Variants in BMP2K observed in about 807,000 individuals in gnomAD.
The protein encoded by BMP2K is BMP-2-inducible protein kinase.
BMP2K carries 74 observed loss-of-function variants against 116.0 expected under a neutral mutation model. The observed-to-expected ratio is 0.64, with a 90% CI of 0.53 to 0.77. BMP2K has a LOEUF of 0.77. Among genes scored for constraint, BMP2K ranks in the 30% least tolerant of loss-of-function variants. The pLI, the probability that BMP2K is intolerant of heterozygous loss-of-function variation, is 0.00. For synonymous variants in BMP2K, 486 were observed against 502.5 expected, an observed-to-expected ratio of 0.97 and a Z score of 0.44; for missense variants, 1,365 against 1,403.6, an observed-to-expected ratio of 0.97 and a Z score of 0.44.
chr4:78,854,883 T>G (rs1731427491), intron 7 of BMP2K, among the ~76,000 whole-genome samples: 1 of 152,062 alleles, frequency 6.6e-6, no homozygotes, highest in African/African-American at 2.4e-5. Context: ...CCAATCTTGT[T>G]TCCTCTATAA....
At chr4:78,845,123 A>G in intron 5 of BMP2K, 74 bp downstream of exon 5, 2 of 1,263,106 alleles carry the variant, frequency 1.6e-6, no homozygotes, top group Non-Finnish European at 2.2e-6. Flanking sequence ...AGCACTGCTA[A>G]TACAAATTTT....
chr4:78,882,153 A>G (rs775726944), intron 14 of BMP2K, among the ~76,000 whole-genome samples: 8 of 151,960 alleles, frequency 5.3e-5, no homozygotes, highest in African/African-American at 9.6e-5. Context: ...TGTTTAGGGA[A>G]TATTTTATGT....
intron 3 of BMP2K, among the ~76,000 whole-genome samples, chr4:78,839,188 G>T (rs144782625): frequency 6.6e-6 from 1 of 152,156 alleles, no homozygotes; most frequent in African/African-American, 2.4e-5. Context: ...GCAGATTTTG[G>T]CAGGGCTTTC....
rs115241558 is a variant in BMP2K, at chr4:78,897,216, T to C, written c.2062+9932T>C. Among the ~76,000 whole-genome samples, 1,229 of 152,160 alleles carry C rather than the reference T, an allele frequency of 8.1e-3. 26 individuals carry two copies. Among genetic ancestry groups the C allele is most frequent in the African/African-American group, 0.028 (1,180 of 41,520 alleles). On this transcript the variant is annotated intron_variant, in intron 15 of 15. Transcript: ENST00000502613. Reference sequence around the variant, plus strand: ...TTTTGATTTTTTTAAGCCTTATTTCTGGGAACTTACCTTAAGAAAATAACA... The same window carrying C: ...TTTTGATTTTTTTAAGCCTTATTTCCGGGAACTTACCTTAAGAAAATAACA...
At chr4:78,832,003 T>C (rs1015092360) in intron 2 of BMP2K, among the ~76,000 whole-genome samples, 6 of 152,288 alleles carry the variant, frequency 3.9e-5, no homozygotes, top group African/African-American at 1.2e-4. Flanking sequence ...TTCACATAAT[T>C]ATAGCATCTT....
intron 3 of BMP2K, among the ~76,000 whole-genome samples, chr4:78,838,277 C>T (rs940470482): frequency 1.3e-5 from 2 of 152,188 alleles, no homozygotes; most frequent in African/African-American, 2.4e-5. Flanking sequence ...CCGATGGGTC[C>T]GTCTCACAAC....
chr4:78,849,822 T>C (rs918040878), intron 6 of BMP2K, among the ~76,000 whole-genome samples: 1 of 151,736 alleles, frequency 6.6e-6, no homozygotes, highest in Non-Finnish European at 1.5e-5. Flanking sequence ...GGACCATTGC[T>C]GCAATATTGA....
chr4:78,847,346 TC>T, intron 6 of BMP2K, 77 bp downstream of exon 6: 1 of 1,050,154 alleles, frequency 9.5e-7, no homozygotes, highest in South Asian at 2.0e-5. Context: ...TTTACTCTGC[TC>T]CCCAAAAGGC....
At chr4:78,813,637 T>G (rs1216945448) in intron 1 of BMP2K, among the ~76,000 whole-genome samples, 1 of 152,210 alleles carries the variant, frequency 6.6e-6, no homozygotes, top group Non-Finnish European at 1.5e-5. Flanking sequence ...TTACCTGGAA[T>G]GTACTTGCCT....
chr4:78,790,508 T>G (rs1429585770), intron 1 of BMP2K, among the ~76,000 whole-genome samples: 1 of 152,166 alleles, frequency 6.6e-6, no homozygotes, highest in Non-Finnish European at 1.5e-5. Context: ...TTTATATTGT[T>G]TAGAAGAACA....
At position 78,850,997 on chromosome 4, in the gene BMP2K, A is replaced by G. The variant is rs779786569; in HGVS notation, c.824A>G (p.Asp275Gly). 5 of 1,612,292 alleles carry G rather than the reference A, an allele frequency of 3.1e-6. No homozygotes were observed. The South Asian group carries it at 5.5e-5, about 18-fold the overall frequency. Reference sequence around the variant, plus strand: ...GGTGAGAGTCAGGTTGCTATCTGTGATGGCAACTTCACCATCCCAGACAAT... The same window carrying G: ...GGTGAGAGTCAGGTTGCTATCTGTGGTGGCAACTTCACCATCCCAGACAAT... Reference protein sequence around the residue: ...PFGESQVAICDGNFTIPDNSR... With the variant: ...PFGESQVAICGGNFTIPDNSR... The change falls in exon 7 of 16, where the codon GAT becomes GGT. Residue 275 changes from aspartate to glycine, a missense_variant. Physicochemically the swap from Asp to Gly is moderately conservative, Grantham distance 94 (BLOSUM62 -1). Transcript: ENST00000502613.
rs544112613 is a variant in BMP2K, at chr4:78,914,188, A to T, written c.*2155A>T. ...TAGAAAAGGGGTAGAGGATGAACTA[A>T]TGTCTCCTTCAGATGTAAACATGAA... On this transcript the variant is annotated 3_prime_UTR_variant, in exon 16 of 16. Transcript: ENST00000502613. 6.6e-6 allele frequency: 1 copy of T among 152,152 alleles called. No individual in the cohort carries two copies. The highest frequency in any genetic ancestry group is 2.4e-5 in the African/African-American group (1 of 41,552). 9.4% of individuals were successfully genotyped at this position (152,152 alleles called of 1,614,324 possible).
chr4:78,836,632 C>T (rs1023499671), intron 3 of BMP2K, among the ~76,000 whole-genome samples: 4 of 152,180 alleles, frequency 2.6e-5, no homozygotes, highest in Admixed American at 6.5e-5. Context: ...TGTTTTCACT[C>T]ACTAATTTGG....
At chr4:78,788,371 T>C (rs2109928317) in intron 1 of BMP2K, among the ~76,000 whole-genome samples, 1 of 151,318 alleles carries the variant, frequency 6.6e-6, no homozygotes, top group East Asian at 1.9e-4. Context: ...AATGTGGATC[T>C]AAGGATTTTT....
intron 15 of BMP2K, among the ~76,000 whole-genome samples, chr4:78,888,393 A>T (rs184154863): frequency 0.012 from 1,797 of 152,346 alleles, 19 homozygotes; most frequent in Non-Finnish European, 0.018. Context: ...AAATTATAAT[A>T]ACTCAAAATA....
Position 78,776,720 on chromosome 4 carries a change from A to C in BMP2K, c.177A>C (p.Glu59Asp). The C allele has an allele frequency of 7.9e-7, 1 of 1,266,538 alleles. No individual in the cohort carries two copies. The highest frequency in any genetic ancestry group is 1.0e-6 in the Non-Finnish European group (1 of 1,002,106). The allele number at this position is 1,266,538 out of a possible 1,614,324, so 78.5% of individuals were successfully genotyped here. A position where few individuals can be genotyped will look rare whatever the true frequency, so the allele number is the denominator to read the frequency against. Reference protein sequence around the residue: ...HQVTLEESLAEGGFSTVFLVR... With the variant: ...HQVTLEESLADGGFSTVFLVR... ...TCACCCTGGAAGAGTCGCTGGCCGA[A>C]GGTACGGGCGCCCGGGGAGGCTCGG... The change falls in exon 1 of 16, where the codon GAA becomes GAC. Residue 59 changes from glutamate (E) to aspartate (D), a missense_variant and splice_region_variant. Physicochemically the swap from Glu to Asp is conservative, Grantham distance 45. This residue lies in a region of BMP2K where 762 missense variants were observed against 756.7 expected (regional missense o/e 1.01). Transcript: ENST00000502613.
chr4:78,900,067 ATCT>A (rs537781594), intron 15 of BMP2K, among the ~76,000 whole-genome samples: 140 of 152,262 alleles, frequency 9.2e-4, no homozygotes, highest in African/African-American at 3.2e-3. Context: ...TGCTATCCCT[ATCT>A]TCTTTTGTGT....
At chr4:78,804,139 ACT>A (rs1728703038) in intron 1 of BMP2K, among the ~76,000 whole-genome samples, 2 of 151,334 alleles carry the variant, frequency 1.3e-5, no homozygotes, top group African/African-American at 4.9e-5. Flanking sequence ...CCCACCCCAA[ACT>A]CTTGTAATCA....
intron 9 of BMP2K, among the ~76,000 whole-genome samples, chr4:78,862,813 G>A (rs1404155851): frequency 6.6e-6 from 1 of 152,076 alleles, no homozygotes; most frequent in Admixed American, 6.6e-5. Flanking sequence ...TTGAGAAGAG[G>A]TGAAGGTGTA....
Sources: allele counts gnomAD v4.1 joint callset (sites outside exome capture counted in the v4.1 genomes callset), GRCh38; gene constraint gnomAD v4.1.1; regional missense constraint gnomAD v4.1.1; transcripts MANE v1.5; gene names NCBI Gene and HGNC (gene_info 2026-07-23, HGNC 2026-07-21).